MYH15: variants seen among roughly 807,000 people sequenced by gnomAD.
MYH15 encodes the protein myosin-15.
In MYH15, 227 loss-of-function variants were observed where a neutral mutation model predicts 240.5. That is an observed-to-expected ratio of 0.94 (90% CI 0.85 to 1.05). MYH15 has a LOEUF of 1.05. MYH15 is among the 50% of genes least tolerant of loss of function. MYH15 has a pLI of 0.00. For synonymous variants in MYH15, 785 were observed against 796.7 expected (o/e 0.99, Z 0.25); for missense variants, 2,217 against 2,247.5 (o/e 0.99, Z 0.27).
intron 21 of MYH15, among the ~76,000 whole-genome samples, chr3:108,447,490 A>G (rs931616335): frequency 6.6e-6 from 1 of 152,142 alleles, no homozygotes; most frequent in African/African-American, 2.4e-5. Context: ...TGTCACATAT[A>G]ATGAAACCCT....
At position 108,486,476 on chromosome 3, in the gene MYH15, C is replaced by G. The variant is rs1463001431; in HGVS notation, c.922G>C (p.Gly308Arg). ...TCCAAGCTCTCCACAGTAACTGCTCCACAGGAGCAAAAGTGGAAGTCTGAG... is the reference window on the plus strand; with the variant it reads ...TCCAAGCTCTCCACAGTAACTGCTCGACAGGAGCAAAAGTGGAAGTCTGAG... ...NPSDFHFCSC[G>R]AVTVESLDDA... is the part of the protein sequence containing the mutation. The change falls in exon 10 of 41, where the codon GGA becomes CGA. Residue 308 changes from glycine to arginine, a missense_variant. Coordinates refer to ENST00000693548, the MANE Select transcript of MYH15 (RefSeq NM_014981.3). 5.6e-6 allele frequency: 9 copies of G among 1,612,674 alleles called. No individual in the cohort carries two copies. Among genetic ancestry groups the G allele is most frequent in the Non-Finnish European group, 7.6e-6 (9 of 1,179,024 alleles).
At chr3:108,405,022 G>A (rs991790715) in intron 33 of MYH15, 4 of 162,150 alleles carry the variant, frequency 2.5e-5, no homozygotes, top group Admixed American at 6.4e-5. Flanking sequence ...GGCAATAATC[G>A]TATATAGATA....
At chr3:108,410,509 A>G in intron 31 of MYH15, 74 bp downstream of exon 31, 2 of 1,050,044 alleles carry the variant, frequency 1.9e-6, no homozygotes, top group Non-Finnish European at 2.7e-6. Context: ...AATGCTGAAG[A>G]CAGCCTTGCC....
In MYH15 at chr3:108,455,789, A is replaced by T. The variant is rs2083014305; in HGVS notation, c.2209T>A (p.Leu737Ile). 1 of 1,613,716 alleles carries T rather than the reference A, an allele frequency of 6.2e-7. No homozygotes were observed. The stretch of plus-strand genomic sequence containing the variant: ...TGGTCTATCTCCAAGGAGCCAAGTA[A>T]TTCTTCAGCTGCTTTTCTGCTGCTC... ...FVSSRKAAEE[L>I]LGSLEIDHTQ... Residue 737 changes from leucine to isoleucine, a missense_variant, in exon 20 of 41, where the codon TTA (leucine) becomes ATA (isoleucine). Transcript: ENST00000693548.
rs12107376 is a variant in MYH15, at chr3:108,430,308, G to T, written c.3312+524C>A. Among the ~76,000 whole-genome samples, 1,187 of 152,250 alleles carry T rather than the reference G, an allele frequency of 7.8e-3. 13 individuals carry two copies. Among genetic ancestry groups the T allele is most frequent in the African/African-American group, 0.022 (929 of 41,550 alleles). On this transcript the variant is annotated intron_variant, in intron 26 of 40. Transcript: ENST00000693548. ...GTGTGTAAAATTACTTTACAACATGGTCATATGCTATAAAACTCACATGGT... is the reference window on the plus strand; with the variant it reads ...GTGTGTAAAATTACTTTACAACATGTTCATATGCTATAAAACTCACATGGT...
chr3:108,478,053 C>T (rs541242659), intron 11 of MYH15, among the ~76,000 whole-genome samples: 1 of 151,882 alleles, frequency 6.6e-6, no homozygotes, highest in South Asian at 2.1e-4. Context: ...TGAATAATGT[C>T]TTATAATAGA....
intron 35 of MYH15, among the ~76,000 whole-genome samples, chr3:108,395,964 A>G (rs1385994962): frequency 2.0e-5 from 3 of 152,164 alleles, no homozygotes; most frequent in African/African-American, 4.8e-5. Context: ...ACCTGAGAAC[A>G]TGTTCACTTT....
Position 108,470,089 on chromosome 3 carries a change from TA to T in MYH15, c.1506del (p.Ile503LeufsTer11). Reference protein sequence around the residue: ...EYKKESIEWVSIGFGLDLQAC... With the variant: ...EYKKESIEWVXIGFGLDLQAC... ...GCTTGCAAATCCAGACCAAAGCCAATAGACACCCATTCAATGCTTTCTTTCT... is the reference window on the plus strand; with the variant it reads ...GCTTGCAAATCCAGACCAAAGCCAATGACACCCATTCAATGCTTTCTTTCT... On this transcript the variant is annotated frameshift_variant, in exon 14 of 41. Transcript: ENST00000693548. LOFTEE classifies it high-confidence loss of function. 1 of 1,611,826 alleles carries T rather than the reference TA, an allele frequency of 6.2e-7. No homozygotes were observed. The highest frequency in any genetic ancestry group is 2.2e-5 in the East Asian group (1 of 44,814).
At chr3:108,399,838 A>G (rs1375676360) in intron 33 of MYH15, among the ~76,000 whole-genome samples, 1 of 152,210 alleles carries the variant, frequency 6.6e-6, no homozygotes, top group African/African-American at 2.4e-5. Context: ...GGCTGAGACA[A>G]CCAATTGTGT....
chr3:108,538,638 T>G, the MYH15 span, among the ~76,000 whole-genome samples: 3 of 152,140 alleles, frequency 2.0e-5, no homozygotes, highest in Non-Finnish European at 4.4e-5. Context: ...TCATAGAAAT[T>G]TGAAATAAAG....
At chr3:108,527,064 GT>G (rs1355933955) in intron 1 of MYH15, among the ~76,000 whole-genome samples, 1 of 152,088 alleles carries the variant, frequency 6.6e-6, no homozygotes, top group Non-Finnish European at 1.5e-5. Flanking sequence ...TATTTAGAGG[GT>G]TTGTTAAAAC....
chr3:108,448,929 A>G (rs2082951204), intron 21 of MYH15, among the ~76,000 whole-genome samples: 1 of 152,028 alleles, frequency 6.6e-6, no homozygotes, highest in Non-Finnish European at 1.5e-5. Context: ...AAAAATCAAC[A>G]TAAAAAATTA....
At position 108,444,181 on chromosome 3, in the gene MYH15, A is replaced by T. The variant is rs529580288; in HGVS notation, c.2655+459T>A. 2.9e-3 allele frequency among the ~76,000 whole-genome samples: 437 copies of T among 151,928 alleles called. 7 individuals carry two copies. Among genetic ancestry groups the T allele is most frequent in the Non-Finnish European group, 2.2e-3 (149 of 67,962 alleles). The stretch of plus-strand genomic sequence containing the variant: ...AATTAATTAATTAATTAATTTTTTT[A>T]AAAAAAGCTCATTAGTAATGTTGAT... On this transcript the variant is annotated intron_variant, in intron 22 of 40. Transcript: ENST00000693548.
chr3:108,471,625 T>C (rs1367086337), intron 12 of MYH15, among the ~76,000 whole-genome samples: 1 of 152,036 alleles, frequency 6.6e-6, no homozygotes, highest in Non-Finnish European at 1.5e-5. Flanking sequence ...TAGGTCAATT[T>C]AAAAAAATCC....
intron 35 of MYH15, among the ~76,000 whole-genome samples, chr3:108,396,640 T>C (rs1222222209): frequency 6.6e-6 from 1 of 152,194 alleles, no homozygotes; most frequent in Non-Finnish European, 1.5e-5. Context: ...AAAAAAAGTC[T>C]GTAGTCTATT....
In MYH15 at chr3:108,529,234, A is replaced by G. The variant is rs748003490; in HGVS notation, c.-58+29T>C. ...GGCTATTCAGCATTCTGTTAGACAA[A>G]TTAAAACATATGTTGGGAGTCCACT... On this transcript the variant is annotated intron_variant, in intron 1 of 41. Transcript: ENST00000273353. 48 of 1,595,664 alleles carry G rather than the reference A, an allele frequency of 3.0e-5. No homozygotes were observed. The East Asian group carries it at 1.1e-3, about 36-fold the overall frequency.
rs990302639 is a variant in MYH15, at chr3:108,504,671, A to G, written c.195+1052T>C. Among the ~76,000 whole-genome samples the G allele has an allele frequency of 8.5e-5, 13 of 152,302 alleles. No individual in the cohort carries two copies. In the East Asian group the frequency reaches 1.9e-3, roughly 23 times the overall value. On this transcript the variant is annotated intron_variant, in intron 2 of 40. Coordinates refer to ENST00000693548, the MANE Select transcript of MYH15 (RefSeq NM_014981.3). ...ATCATCTGTAAAATCTATAAGGAAG[A>G]GTTCATTTAAGTAGGACAGAAATGG...
chr3:108,469,945 A>G (rs1166077467), intron 14 of MYH15, 97 bp downstream of exon 14: 3 of 1,228,480 alleles, frequency 2.4e-6, no homozygotes, highest in Non-Finnish European at 3.3e-6. Context: ...CCCATTTCCC[A>G]TCCTCTGATA....
chr3:108,549,094 C>G, the MYH15 span, among the ~76,000 whole-genome samples: 1 of 151,944 alleles, frequency 6.6e-6, no homozygotes, highest in Non-Finnish European at 1.5e-5. Context: ...GACAAACTCT[C>G]CCCAGCAAAA....
Sources: allele counts gnomAD v4.1 joint callset (sites outside exome capture counted in the v4.1 genomes callset), GRCh38; gene constraint gnomAD v4.1.1; transcripts MANE v1.5; gene names NCBI Gene and HGNC (gene_info 2026-07-23, HGNC 2026-07-21).